The following SORBS2 variants were observed in gnomAD, a reference collection of about 807,000 sequenced individuals.
SORBS2 encodes the protein sorbin and SH3 domain containing 2.
In SORBS2, 46 loss-of-function variants were observed where a neutral mutation model predicts 97.7. The observed-to-expected ratio is 0.47, with a 90% confidence interval of 0.37 to 0.60. SORBS2 has a LOEUF of 0.60. SORBS2 is among the 20% of genes least tolerant of loss of function. The probability of loss-of-function intolerance (pLI) is 0.00; values close to 1 mark genes in which losing one functional copy is unlikely to be tolerated. For synonymous variants in SORBS2, 476 were observed against 473.4 expected (o/e 1.01, Z -0.07); for missense variants, 1,316 against 1,282.3 (o/e 1.03, Z -0.40).
chr4:185,667,350 T>A (rs1354710893), intron 4 of SORBS2, among the ~76,000 whole-genome samples: 1 of 152,226 alleles, frequency 6.6e-6, no homozygotes, highest in African/African-American at 2.4e-5. Flanking sequence ...ATGACTGATG[T>A]CATGCACGTT....
intron 2 of SORBS2, among the ~76,000 whole-genome samples, chr4:185,713,399 T>C (rs1028826336): frequency 2.0e-5 from 3 of 152,204 alleles, no homozygotes; most frequent in African/African-American, 7.2e-5. Context: ...TCACCTCTCA[T>C]CTTACGTGTT....
intron 2 of SORBS2, among the ~76,000 whole-genome samples, chr4:185,729,511 T>G (rs1045056222): frequency 6.6e-6 from 1 of 152,254 alleles, no homozygotes; most frequent in African/African-American, 2.4e-5. Context: ...AGTCTAGTGA[T>G]GACCACAGTT....
intron 4 of SORBS2, among the ~76,000 whole-genome samples, chr4:185,663,185 TAGTTA>T (rs1207427038): frequency 6.6e-6 from 1 of 152,202 alleles, no homozygotes; most frequent in Admixed American, 6.5e-5. Flanking sequence ...TAAGAACGTT[TAGTTA>T]AAATTATAGC....
intron 1 of SORBS2, among the ~76,000 whole-genome samples, chr4:185,821,126 G>T (rs970740615): frequency 2.0e-5 from 3 of 152,184 alleles, no homozygotes; most frequent in African/African-American, 7.2e-5. Context: ...ACGCCCGGGG[G>T]GCAAGGGGAG....
In SORBS2 at chr4:185,607,213, G is replaced by A. The variant is rs146796326; in HGVS notation, c.2796+4567C>T. ...GAAGTTGTCCAGGAAACGAGGTGGT[G>A]TTGGGGCCAAAGGGTTTGCTGGTAG... On this transcript the variant is annotated intron_variant, in intron 12 of 14. Transcript: ENST00000418609. This position sits in a 1 kb window ranked among gnomAD's most constrained non-coding sequence, Gnocchi z 5.2. 7.0e-4 allele frequency: 813 copies of A among 1,159,362 alleles called. 4 individuals are homozygous for A. The African/African-American group carries it at 0.012, about 17-fold the overall frequency. 71.8% of individuals were successfully genotyped at this position (1,159,362 alleles called of 1,614,324 possible). A position where few individuals can be genotyped will look rare whatever the true frequency, so the allele number is the denominator to read the frequency against.
At chr4:185,813,470 C>T (rs922770189) in intron 1 of SORBS2, among the ~76,000 whole-genome samples, 1 of 152,180 alleles carries the variant, frequency 6.6e-6, no homozygotes, top group Non-Finnish European at 1.5e-5. Context: ...GTCCTCACCG[C>T]TTCAGATCGC....
chr4:185,791,857 G>A (rs1007743226), intron 1 of SORBS2, among the ~76,000 whole-genome samples: 3 of 152,078 alleles, frequency 2.0e-5, no homozygotes, highest in South Asian at 4.2e-4. Context: ...AACTCCATGT[G>A]AACTGTATTT....
At chr4:185,713,767 T>G (rs1463299560) in intron 2 of SORBS2, among the ~76,000 whole-genome samples, 1 of 152,264 alleles carries the variant, frequency 6.6e-6, no homozygotes, top group Admixed American at 6.5e-5. Flanking sequence ...ATTACTATAA[T>G]TTAATCATTA....
At chr4:185,650,623 TAATTC>T (rs1281928944) in intron 2 of SORBS2, among the ~76,000 whole-genome samples, 5 of 152,242 alleles carry the variant, frequency 3.3e-5, no homozygotes, top group Admixed American at 1.3e-4. Flanking sequence ...TCATTGGAGC[TAATTC>T]TATTTGTACC....
chr4:185,723,151 A>C (rs1419152454), intron 2 of SORBS2, among the ~76,000 whole-genome samples: 2 of 152,152 alleles, frequency 1.3e-5, no homozygotes, highest in Non-Finnish European at 2.9e-5. Flanking sequence ...AAAAAAAATA[A>C]AATAAAATAA....
chr4:185,587,597 G>A (rs779270613), exon 15 of SORBS2: 2 of 1,605,996 alleles, frequency 1.2e-6, no homozygotes, highest in South Asian at 1.1e-5. Context: ...ATGGCTGGCA[G>A]GCGGCCTCTA....
chr4:185,912,776 C>T (rs2099256028), intron 1 of SORBS2, among the ~76,000 whole-genome samples: 1 of 151,976 alleles, frequency 6.6e-6, no homozygotes, highest in Non-Finnish European at 1.5e-5. Context: ...ATTTTTTGCT[C>T]TGGAGAACAT....
chr4:185,624,243 A>G (rs2096771383), exon 7 of SORBS2: 1 of 1,614,188 alleles, frequency 6.2e-7, no homozygotes, highest in Non-Finnish European at 8.5e-7. Flanking sequence ...AAGCTATCGC[A>G]GTCGTCGTTT....
chr4:185,898,181 A>C (rs2099245959), intron 1 of SORBS2, among the ~76,000 whole-genome samples: 2 of 152,212 alleles, frequency 1.3e-5, no homozygotes, highest in Admixed American at 1.3e-4. Context: ...ACATCCCATT[A>C]CTGCCTGAAG....
At position 185,852,157 on chromosome 4, in the gene SORBS2, G is replaced by A. The variant is rs78032174; in HGVS notation, c.-337-76791C>T. ...GGAGTCAACACAGCTACAGGCAGCC[G>A]ATCCCTGTAAACATCCCCAGGGCAC... On this transcript the variant is annotated intron_variant, in intron 1 of 20. Transcript: ENST00000284776. Among the ~76,000 whole-genome samples, 796 of 152,210 alleles carry A rather than the reference G, an allele frequency of 5.2e-3. 9 individuals carry two copies. Among genetic ancestry groups the A allele is most frequent in the African/African-American group, 0.018 (742 of 41,540 alleles).
At chr4:185,630,625 GA>G (rs1349769515) in intron 4 of SORBS2, 27 bp from the exon 17 acceptor site, 1 of 1,523,966 alleles carries the variant, frequency 6.6e-7, no homozygotes, top group African/African-American at 1.4e-5. Flanking sequence ...ATAGTACCAT[GA>G]AAAATTTTAC....
At chr4:185,694,688 T>C (rs796680988) in intron 2 of SORBS2, among the ~76,000 whole-genome samples, 4 of 141,688 alleles carry the variant, frequency 2.8e-5, no homozygotes, top group African/African-American at 1.0e-4. Flanking sequence ...TTTTTTCTTT[T>C]TCTTTTTCCT....
upstream of SORBS2, among the ~76,000 whole-genome samples, chr4:185,661,440 T>C (rs2097519680): frequency 6.6e-6 from 1 of 152,180 alleles, no homozygotes; most frequent in Non-Finnish European, 1.5e-5. Flanking sequence ...TTTATGAACG[T>C]CCGTATGTCC....
At chr4:185,712,401 A>G (rs1335611294) in intron 2 of SORBS2, among the ~76,000 whole-genome samples, 1 of 152,194 alleles carries the variant, frequency 6.6e-6, no homozygotes, top group African/African-American at 2.4e-5. Flanking sequence ...TTTATCGGCA[A>G]TAAAATCCCC....
Sources: allele counts gnomAD v4.1 joint callset (sites outside exome capture counted in the v4.1 genomes callset), GRCh38; gene constraint gnomAD v4.1.1; non-coding constraint Gnocchi (gnomAD v3.1); transcripts MANE v1.5; gene names NCBI Gene and HGNC (gene_info 2026-07-23, HGNC 2026-07-21).